Variants in GRID1 observed in about 807,000 individuals in gnomAD.
GRID1 encodes glutamate ionotropic receptor delta type subunit 1.
Under a neutral mutation model 98.0 loss-of-function variants are expected in GRID1, and 28 were observed. The ratio of observed to expected loss-of-function variants is 0.29; its 90% CI spans 0.21 to 0.39. The LOEUF (loss-of-function observed/expected upper bound fraction) is 0.39. Ranked by LOEUF, GRID1 falls within the 10% of genes least tolerant of loss-of-function variation. The probability of loss-of-function intolerance (pLI) is 1.00; values close to 1 mark genes in which losing one functional copy is unlikely to be tolerated. For missense variants in GRID1, 1,111 were observed against 1,340.5 expected, an observed-to-expected ratio of 0.83 and a Z score of 2.67; for synonymous variants, 553 against 538.5, an observed-to-expected ratio of 1.03 and a Z score of -0.37.
rs578258704 is a variant in GRID1 at position 85,753,045 on chromosome 10, T to G, written c.1234-23431A>C. On this transcript the variant is annotated intron_variant, in intron 8 of 15. Coordinates refer to ENST00000327946, the MANE Select transcript of GRID1 (RefSeq NM_017551.3). ...CACTTCAGTGCTGCTGAGAGTGTGA[T>G]CCACAGATCGGTGCCAGCCTTCAAA... Among the ~76,000 whole-genome samples, 22 of 152,302 alleles carry G rather than the reference T, an allele frequency of 1.4e-4. No homozygotes were observed. The East Asian group carries it at 4.2e-3, about 29-fold the overall frequency.
Position 86,070,480 on chromosome 10 carries a change from A to T in GRID1, c.726+68339T>A, listed in dbSNP as rs543146884. On this transcript the variant is annotated intron_variant, in intron 4 of 15. Transcript: ENST00000327946. ...GCCCTGACCAGGCTGGGATGGGCAC[A>T]GGCACCAGATGCCTTTTCCTGACAT... 2.2e-4 allele frequency among the ~76,000 whole-genome samples: 33 copies of T among 152,312 alleles called. No homozygotes were observed. The South Asian group carries it at 6.4e-3, about 30-fold the overall frequency.
intron 2 of GRID1, among the ~76,000 whole-genome samples, chr10:86,244,116 T>C (rs1392681538): frequency 6.6e-6 from 1 of 152,036 alleles, no homozygotes; most frequent in Non-Finnish European, 1.5e-5. Context: ...ATAATCAGGG[T>C]GAGGGCTGAT....
intron 4 of GRID1, among the ~76,000 whole-genome samples, chr10:86,087,386 T>C (rs1158330457): frequency 1.3e-5 from 2 of 148,688 alleles, no homozygotes; most frequent in African/African-American, 5.0e-5. Flanking sequence ...GTCTGCATAA[T>C]GGAGTCTGTG....
At chr10:86,298,237 A>G (rs1847623198) in intron 2 of GRID1, among the ~76,000 whole-genome samples, 1 of 152,246 alleles carries the variant, frequency 6.6e-6, no homozygotes, top group South Asian at 2.1e-4. Flanking sequence ...TGAAAACTGT[A>G]GCAACAGTGA....
At chr10:86,311,133 T>C (rs972461017) in intron 2 of GRID1, among the ~76,000 whole-genome samples, 1 of 152,158 alleles carries the variant, frequency 6.6e-6, no homozygotes, top group African/African-American at 2.4e-5. Flanking sequence ...AGACACCATA[T>C]AGTGGTACCT....
At position 86,365,695 on chromosome 10, in the gene GRID1, A is replaced by G. The variant is rs1396698004; in HGVS notation, c.79+619T>C. Among the ~76,000 whole-genome samples the G allele has an allele frequency of 4.6e-5, 7 of 152,096 alleles. 1 individual carries two copies. Among genetic ancestry groups the G allele is most frequent in the African/African-American group, 1.7e-4 (7 of 41,500 alleles). ...TACACACGCACTCACACATACACCA[A>G]GGGCTACACAGACACACACCGGAGA... On this transcript the variant is annotated intron_variant, in intron 1 of 15. Coordinates refer to ENST00000327946, the MANE Select transcript of GRID1 (RefSeq NM_017551.3). The surrounding 1 kb of genome is among the most constrained non-coding windows in gnomAD (Gnocchi z 4.8).
At chr10:85,643,126 C>G (rs1843144129) in intron 13 of GRID1, among the ~76,000 whole-genome samples, 1 of 152,168 alleles carries the variant, frequency 6.6e-6, no homozygotes. Flanking sequence ...TTGACTTTTG[C>G]AGCAATTAGA....
intron 2 of GRID1, among the ~76,000 whole-genome samples, chr10:86,253,061 T>C (rs1024064108): frequency 6.6e-6 from 1 of 152,266 alleles, no homozygotes; most frequent in Non-Finnish European, 1.5e-5. Flanking sequence ...CCCAGATTGC[T>C]AGAAACCCAG....
chr10:86,183,346 ATTTAT>A (rs1223351485), intron 3 of GRID1, among the ~76,000 whole-genome samples: 1 of 49,740 alleles, frequency 2.0e-5, no homozygotes, highest in African/African-American at 1.3e-4. Context: ...ACAATTATTT[ATTTAT>A]TTATTTATTT....
rs112283014 is a variant in GRID1 at position 85,788,026 on chromosome 10, G to A, written c.1234-58412C>T. 6.2e-3 allele frequency among the ~76,000 whole-genome samples: 932 copies of A among 150,472 alleles called. 9 individuals are homozygous for A. The highest frequency in any genetic ancestry group is 0.02 in the African/African-American group (830 of 40,576). On this transcript the variant is annotated intron_variant, in intron 8 of 15. Transcript: ENST00000327946. Reference sequence around the variant, plus strand: ...CATCACAAGGATCTGCTAACTCATCGGTCACCCTCTGGAGACTATAAACTT... The same window carrying A: ...CATCACAAGGATCTGCTAACTCATCAGTCACCCTCTGGAGACTATAAACTT...
At chr10:85,741,217 T>C (rs763522868) in intron 8 of GRID1, among the ~76,000 whole-genome samples, 3 of 152,162 alleles carry the variant, frequency 2.0e-5, no homozygotes, top group African/African-American at 4.8e-5. Flanking sequence ...TTATGCCTCA[T>C]ATTTGAAGCT....
At chr10:86,236,685 G>A (rs537160925) in intron 2 of GRID1, among the ~76,000 whole-genome samples, 1 of 152,336 alleles carries the variant, frequency 6.6e-6, no homozygotes, top group South Asian at 2.1e-4. Context: ...CCCATTACGG[G>A]AGCACTGAGA....
chr10:85,626,226 A>G (rs953622702), intron 13 of GRID1, among the ~76,000 whole-genome samples: 1 of 152,204 alleles, frequency 6.6e-6, no homozygotes, highest in Non-Finnish European at 1.5e-5. Context: ...ACAGACAAAA[A>G]GACTGAGGCT....
chr10:85,871,431 C>T (rs1190605703), intron 5 of GRID1, among the ~76,000 whole-genome samples: 3 of 152,112 alleles, frequency 2.0e-5, no homozygotes, highest in Non-Finnish European at 2.9e-5. Context: ...CCTGTATAAG[C>T]CAACAATTTC....
intron 8 of GRID1, among the ~76,000 whole-genome samples, chr10:85,743,369 C>T (rs1240854397): frequency 1.3e-5 from 2 of 152,062 alleles, no homozygotes; most frequent in African/African-American, 4.8e-5. Context: ...CAAAGACAAG[C>T]CCTGACCAAA....
At chr10:86,158,976 T>C (rs1003960794) in intron 3 of GRID1, among the ~76,000 whole-genome samples, 2 of 152,068 alleles carry the variant, frequency 1.3e-5, no homozygotes, top group Admixed American at 6.5e-5. Flanking sequence ...TCACTGCAAG[T>C]TCCGCCTCCC....
chr10:86,104,072 C>T (rs1844342366), intron 4 of GRID1, among the ~76,000 whole-genome samples: 1 of 152,182 alleles, frequency 6.6e-6, no homozygotes, highest in South Asian at 2.1e-4. Flanking sequence ...ATACTTGTTC[C>T]AGTCTGGCAG....
At chr10:85,900,692 T>C (rs1841368805) in intron 5 of GRID1, among the ~76,000 whole-genome samples, 1 of 152,196 alleles carries the variant, frequency 6.6e-6, no homozygotes, top group African/African-American at 2.4e-5. Context: ...TTGGCTGAGC[T>C]GTAATTTAGT....
chr10:85,925,080 G>T (rs1347940563), intron 4 of GRID1, among the ~76,000 whole-genome samples: 1 of 152,234 alleles, frequency 6.6e-6, no homozygotes, highest in Admixed American at 6.5e-5. Context: ...GGCACGATCT[G>T]TTTAATAAGA....
Sources: gnomAD v4.1 joint callset for allele counts (sites outside exome capture counted in the v4.1 genomes callset) on GRCh38, gnomAD v4.1.1 for gene constraint, Gnocchi (gnomAD v3.1) non-coding constraint, MANE v1.5 for transcripts, NCBI Gene and HGNC (gene_info 2026-07-23, HGNC 2026-07-21) for gene names.